Variants in RYR2 observed in about 807,000 individuals in gnomAD.
RYR2 encodes ryanodine receptor 2.
A neutral mutation model predicts 601.1 loss-of-function variants in RYR2; 227 were observed. That is an observed-to-expected ratio of 0.38 (90% CI 0.34 to 0.42). The LOEUF is 0.42. Ranked by LOEUF, RYR2 falls within the 10% of genes least tolerant of loss-of-function variation. The pLI is 1.00. For missense variants in RYR2, 4,646 were observed against 6,156.5 expected, an observed-to-expected ratio of 0.75 and a Z score of 8.21; for synonymous variants, 2,223 against 2,175.1, an observed-to-expected ratio of 1.02 and a Z score of -0.61.
At chr1:237,399,489 A>C (rs777492624) in intron 10 of RYR2, among the ~76,000 whole-genome samples, 4 of 152,154 alleles carry the variant, frequency 2.6e-5, no homozygotes, top group Non-Finnish European at 4.4e-5. Context: ...TGGATATAAA[A>C]TACTCCAGGA....
At chr1:237,613,972 T>C in intron 36 of RYR2, 67 bp from the exon 37 acceptor site, 2 of 1,453,132 alleles carry the variant, frequency 1.4e-6, no homozygotes. Context: ...TACTGATTTC[T>C]CCTCTGATTC....
chr1:237,407,347 A>G (rs1703999482), intron 10 of RYR2, among the ~76,000 whole-genome samples: 1 of 152,208 alleles, frequency 6.6e-6, no homozygotes, highest in Non-Finnish European at 1.5e-5. Flanking sequence ...TGGTAAGAGT[A>G]TGTTTAGCTT....
intron 1 of RYR2, among the ~76,000 whole-genome samples, chr1:237,082,319 A>G (rs995065233): frequency 1.3e-5 from 2 of 151,958 alleles, no homozygotes; most frequent in African/African-American, 2.4e-5. Context: ...CTATTCTGCT[A>G]TTAAGACAAA....
rs1321141557 is a variant in RYR2 at position 237,717,342 on chromosome 1, G to T, written c.10468G>T (p.Ala3490Ser). 12 of 1,607,302 alleles carry T rather than the reference G, an allele frequency of 7.5e-6. No individual in the cohort carries two copies. Among genetic ancestry groups the T allele is most frequent in the Non-Finnish European group, 1.0e-5 (12 of 1,176,068 alleles). The change falls in exon 72 of 105, where the codon GCT (alanine) becomes TCT (serine). Residue 3490 changes from alanine (A) to serine (S), a missense_variant. Physicochemically the swap from Ala to Ser is moderately conservative, Grantham distance 99. Coordinates refer to ENST00000366574, the MANE Select transcript of RYR2 (RefSeq NM_001035.3). ...TGCCCCTGGGGACCAGGAGCTCATTGCTCTGGCCAAAAATCGATTTAGCCT... is the reference window on the plus strand; with the variant it reads ...TGCCCCTGGGGACCAGGAGCTCATTTCTCTGGCCAAAAATCGATTTAGCCT... ...ICAPGDQELI[A>S]LAKNRFSLKD...
At position 237,469,141 on chromosome 1, in the gene RYR2, C is replaced by T. The variant is rs267598433; in HGVS notation, c.1662C>T (p.Ser554=). 3.1e-6 allele frequency: 5 copies of T among 1,612,466 alleles called. No individual in the cohort carries two copies. Among genetic ancestry groups the T allele is most frequent in the Non-Finnish European group, 4.2e-6 (5 of 1,179,182 alleles). The part of the protein sequence containing the change: ...NRKNCAQFSG[S]LDWLISRLER... ...AAAACTGTGCTCAATTTTCTGGCTCCCTCGACTGGTTGATCAGCAGATTGG... is the reference window on the plus strand; with the variant it reads ...AAAACTGTGCTCAATTTTCTGGCTCTCTCGACTGGTTGATCAGCAGATTGG... The change falls in exon 17 of 105, where the codon TCC becomes TCT. Residue 554 remains serine, a synonymous_variant. Transcript: ENST00000366574.
At chr1:237,449,265 GTTAC>G (rs1480951674) in intron 14 of RYR2, among the ~76,000 whole-genome samples, 1 of 151,736 alleles carries the variant, frequency 6.6e-6, no homozygotes, top group Non-Finnish European at 1.5e-5. Context: ...TATTTTAGTG[GTTAC>G]TTACGGATTA....
intron 38 of RYR2, among the ~76,000 whole-genome samples, chr1:237,622,254 G>A (rs1679154737): frequency 6.6e-6 from 1 of 152,152 alleles, no homozygotes; most frequent in South Asian, 2.1e-4. Context: ...GTTTCCCGCA[G>A]TTTAACTGAA....
intron 10 of RYR2, among the ~76,000 whole-genome samples, chr1:237,407,157 C>A (rs4659495): frequency 0.4 from 60,772 of 152,052 alleles, 13,265 homozygotes; most frequent in East Asian, 0.71. Context: ...CTTTTCATGA[C>A]TTGATAGCTG....
Position 237,614,256 on chromosome 1 carries a change from C to A in RYR2, c.5128C>A (p.His1710Asn), listed in dbSNP as rs2148594524. The change falls in exon 37 of 105, where the codon CAC becomes AAC. Residue 1710 changes from histidine (H) to asparagine (N), a missense_variant. His to Asn is a moderately conservative substitution (Grantham distance 68). Transcript: ENST00000366574. The surrounding 1 kb of genome is among the most constrained non-coding windows in gnomAD (Gnocchi z 4.3). ...CTACTATGACCTGCTGATTGACATC[C>A]ACCTGAGCTCCTATGCCACTGCCAG... ...AGYYDLLIDI[H>N]LSSYATARLM... The A allele has an allele frequency of 6.2e-7, 1 of 1,614,024 alleles. No homozygotes were observed. Among genetic ancestry groups the A allele is most frequent in the East Asian group, 2.2e-5 (1 of 44,856 alleles).
At chr1:237,639,895 A>T (rs1434272569) in intron 46 of RYR2, among the ~76,000 whole-genome samples, 1 of 152,164 alleles carries the variant, frequency 6.6e-6, no homozygotes, top group Non-Finnish European at 1.5e-5. Flanking sequence ...AAAGAGTTAG[A>T]GGGCACGCAA....
At chr1:237,156,109 G>A (rs1215194750) in intron 1 of RYR2, among the ~76,000 whole-genome samples, 1 of 152,160 alleles carries the variant, frequency 6.6e-6, no homozygotes, top group Non-Finnish European at 1.5e-5. Flanking sequence ...CTTGGGCTCT[G>A]TGTTCTCTGA....
Position 237,163,864 on chromosome 1 carries a change from G to A in RYR2, c.49-106633G>A, listed in dbSNP as rs191369616. Among the ~76,000 whole-genome samples, 138 of 152,350 alleles carry A rather than the reference G, an allele frequency of 9.1e-4. 1 individual carries two copies. Among genetic ancestry groups the A allele is most frequent in the African/African-American group, 2.9e-3 (122 of 41,582 alleles). ...AGGTGAGCTAAGGGACCGCCAAGGC[G>A]GTCTCCGGGTGCCTGACTGCTCACC... On this transcript the variant is annotated intron_variant, in intron 1 of 104. Transcript: ENST00000366574.
intron 17 of RYR2, among the ~76,000 whole-genome samples, chr1:237,481,577 A>G (rs928499306): frequency 3.3e-5 from 5 of 152,322 alleles, no homozygotes; most frequent in East Asian, 3.9e-4. Context: ...AGACGTTTCT[A>G]TAGTTCCTAC....
At chr1:237,323,703 C>T (rs1169922752) in intron 2 of RYR2, among the ~76,000 whole-genome samples, 1 of 152,184 alleles carries the variant, frequency 6.6e-6, no homozygotes, top group African/African-American at 2.4e-5. Flanking sequence ...AGCTGTGGGT[C>T]TTTGTAGCCG....
intron 14 of RYR2, among the ~76,000 whole-genome samples, chr1:237,451,848 T>C (rs533342876): frequency 6.6e-6 from 1 of 152,168 alleles, no homozygotes; most frequent in South Asian, 2.1e-4. Context: ...GAGACTAATT[T>C]AAAAATTTTT....
chr1:237,144,646 ATC>A (rs1012910812), intron 1 of RYR2, among the ~76,000 whole-genome samples: 1 of 152,160 alleles, frequency 6.6e-6, no homozygotes, highest in African/African-American at 2.4e-5. Flanking sequence ...GATGGGCAAC[ATC>A]TCTTATTTTT....
chr1:237,149,904 A>G (rs76268954), intron 1 of RYR2, among the ~76,000 whole-genome samples: 1,567 of 152,290 alleles, frequency 0.01, 24 homozygotes, highest in African/African-American at 0.036. Context: ...TTAGTTACAT[A>G]TGCTGGCCCA....
intron 29 of RYR2, among the ~76,000 whole-genome samples, chr1:237,587,641 G>C (rs1464520624): frequency 1.3e-5 from 2 of 152,142 alleles, no homozygotes; most frequent in Non-Finnish European, 2.9e-5. Context: ...ACGAAAAAAA[G>C]TATATTTATT....
At chr1:237,204,516 A>T (rs1181473369) in intron 1 of RYR2, among the ~76,000 whole-genome samples, 6 of 147,474 alleles carry the variant, frequency 4.1e-5, no homozygotes, top group African/African-American at 1.2e-4. Context: ...AAAAAAAAAA[A>T]AAGAAAGAAA....
Sources: gnomAD v4.1 joint callset for allele counts (sites outside exome capture counted in the v4.1 genomes callset) on GRCh38, gnomAD v4.1.1 for gene constraint, Gnocchi (gnomAD v3.1) non-coding constraint, MANE v1.5 for transcripts, NCBI Gene and HGNC (gene_info 2026-07-23, HGNC 2026-07-21) for gene names.